MAPRE3: variants seen among roughly 807,000 people sequenced by gnomAD.
MAPRE3 encodes microtubule associated protein RP/EB family member 3, also known as microtubule-associated protein RP/EB family member 3.
Under a neutral mutation model 30.5 loss-of-function variants are expected in MAPRE3, and 2 were observed. The observed-to-expected ratio is 0.07, with a 90% CI of 0.03 to 0.21. The LOEUF is 0.21. Ranked by LOEUF, MAPRE3 falls within the 10% of genes least tolerant of loss-of-function variation. MAPRE3 has a pLI of 1.00. For synonymous variants in MAPRE3, 110 were observed against 127.7 expected, an observed-to-expected ratio of 0.86 and a Z score of 0.93; for missense variants, 204 against 351.8, an observed-to-expected ratio of 0.58 and a Z score of 3.36.
intron 1 of MAPRE3, among the ~76,000 whole-genome samples, chr2:27,008,295 C>T (rs956997895): frequency 3.3e-5 from 5 of 152,048 alleles, no homozygotes; most frequent in South Asian, 4.1e-4. Flanking sequence ...ATTTAAGAAG[C>T]GAGAGTCTTC....
chr2:27,026,059 C>G, intron 6 of MAPRE3, 27 bp downstream of exon 6: 2 of 1,613,298 alleles, frequency 1.2e-6, no homozygotes, highest in Non-Finnish European at 1.7e-6. Context: ...CCATTGGGCC[C>G]TCCCCAGTCT....
At position 27,026,536 on chromosome 2, in the gene MAPRE3, G is replaced by A. The variant is rs2148231913; in HGVS notation, c.*188G>A. On this transcript the variant is annotated 3_prime_UTR_variant, in exon 7 of 7. Coordinates refer to ENST00000233121, the MANE Select transcript of MAPRE3 (RefSeq NM_012326.4). Reference sequence around the variant, plus strand: ...AGCAGGCAGAAGCCCGTCCTGGGTGGTGCTGGCCCAGTTGGTGGGACCCCT... The same window carrying A: ...AGCAGGCAGAAGCCCGTCCTGGGTGATGCTGGCCCAGTTGGTGGGACCCCT... 2 of 539,902 alleles carry A rather than the reference G, an allele frequency of 3.7e-6. No individual in the cohort carries two copies. The highest frequency in any genetic ancestry group is 6.5e-6 in the Non-Finnish European group (2 of 308,504). 33.4% of individuals were successfully genotyped at this position (539,902 alleles called of 1,614,324 possible).
rs1224356737 is a variant in MAPRE3, at chr2:27,026,431, C to T, written c.*83C>T. 2.4e-6 allele frequency: 3 copies of T among 1,233,580 alleles called. No homozygotes were observed. Among genetic ancestry groups the T allele is most frequent in the Non-Finnish European group, 2.3e-6 (2 of 864,898 alleles). The allele number at this position is 1,233,580 out of a possible 1,614,324, so 76.4% of individuals were successfully genotyped here. A position where few individuals can be genotyped will look rare whatever the true frequency, so the allele number is the denominator to read the frequency against. On this transcript the variant is annotated 3_prime_UTR_variant, in exon 7 of 7. Transcript: ENST00000233121. ...CTCCCACATTATAGTCCTTTCCTAA[C>T]ACGGTCGGCCGGGTGCTTTGTGTCA... is the stretch of plus-strand genomic sequence containing the variant.
rs1163866700 is a variant in MAPRE3 at position 26,986,246 on chromosome 2, A to G, written c.-8+15444A>G. Among the ~76,000 whole-genome samples, 1 of 152,106 alleles carries G rather than the reference A, an allele frequency of 6.6e-6. No homozygotes were observed. Among genetic ancestry groups the G allele is most frequent in the African/African-American group, 2.4e-5 (1 of 41,408 alleles). ...GCTTCCCCTTATAAGGACCCTGGTG[A>G]TTACACTGGGCCCACTCAGATAATC... On this transcript the variant is annotated intron_variant, in intron 1 of 6. Coordinates refer to ENST00000233121, the MANE Select transcript of MAPRE3 (RefSeq NM_012326.4). This position sits in a 1 kb window ranked among gnomAD's most constrained non-coding sequence, Gnocchi z 4.2.
chr2:27,009,877 C>T (rs1323960203), intron 1 of MAPRE3: 3 of 152,260 alleles, frequency 2.0e-5, no homozygotes, highest in Non-Finnish European at 4.4e-5. Context: ...GCTCCTGTAT[C>T]TGGAGTTGGA....
intron 1 of MAPRE3, among the ~76,000 whole-genome samples, chr2:26,984,413 T>A (rs937096560): frequency 2.0e-5 from 3 of 152,250 alleles, no homozygotes; most frequent in African/African-American, 4.8e-5. Flanking sequence ...TTATTTTTTT[T>A]AAACATGGAA....
At chr2:26,978,524 C>G (rs1353755029) in intron 1 of MAPRE3, among the ~76,000 whole-genome samples, 2 of 152,088 alleles carry the variant, frequency 1.3e-5, no homozygotes, top group African/African-American at 4.8e-5. Flanking sequence ...ATGCTTAGAG[C>G]TCATAGCTGA....
intron 1 of MAPRE3, among the ~76,000 whole-genome samples, chr2:27,021,586 C>T (rs1046874807): frequency 1.3e-5 from 2 of 152,222 alleles, no homozygotes; most frequent in African/African-American, 4.8e-5. Flanking sequence ...TTAAAACCCT[C>T]TAATGGCTTC....
intron 4 of MAPRE3, 87 bp from the exon 5 acceptor site, chr2:27,025,496 T>C (rs1667216766): frequency 5.1e-6 from 7 of 1,376,164 alleles, no homozygotes; most frequent in Non-Finnish European, 2.0e-6. Flanking sequence ...CGCATGGGCC[T>C]GCCCCCGCAG....
intron 1 of MAPRE3, among the ~76,000 whole-genome samples, chr2:27,001,156 G>T (rs775461447): frequency 3.9e-5 from 6 of 152,082 alleles, no homozygotes; most frequent in Non-Finnish European, 8.8e-5. Context: ...GATACATTCC[G>T]AGAAATGTGT....
At chr2:27,017,458 G>A (rs1572769750) in intron 1 of MAPRE3, among the ~76,000 whole-genome samples, 1 of 152,190 alleles carries the variant, frequency 6.6e-6, no homozygotes, top group East Asian at 1.9e-4. Flanking sequence ...TCAGACCGAA[G>A]GTATGGAAAA....
At chr2:26,984,860 G>C (rs527360420) in intron 1 of MAPRE3, 1 of 152,284 alleles carries the variant, frequency 6.6e-6, no homozygotes, top group South Asian at 2.1e-4. Flanking sequence ...ATTGCCCCAG[G>C]TAACATTAGT....
At chr2:26,980,879 C>T (rs750566033) in intron 1 of MAPRE3, among the ~76,000 whole-genome samples, 3 of 152,038 alleles carry the variant, frequency 2.0e-5, no homozygotes, top group Non-Finnish European at 4.4e-5. Flanking sequence ...AGTACACAGA[C>T]AAGAGAGAAA....
intron 1 of MAPRE3, among the ~76,000 whole-genome samples, chr2:26,980,418 A>T (rs1666089564): frequency 6.6e-6 from 1 of 152,224 alleles, no homozygotes; most frequent in Non-Finnish European, 1.5e-5. Context: ...ATAAAATTGT[A>T]GTATGTGGTT....
At chr2:27,024,378 G>A (rs1432982676) in intron 4 of MAPRE3, 81 bp downstream of exon 4, 12 of 1,306,918 alleles carry the variant, frequency 9.2e-6, no homozygotes, top group Admixed American at 5.3e-5. Flanking sequence ...CCTGGGCCAC[G>A]GCCCGGCCCT....
chr2:26,971,642 C>T (rs1397651510), intron 1 of MAPRE3, among the ~76,000 whole-genome samples: 1 of 150,912 alleles, frequency 6.6e-6, no homozygotes, highest in African/African-American at 2.4e-5. Context: ...TTAAATCGCA[C>T]TACAACCCTG....
At chr2:26,973,636 GCT>G (rs1381009929) in intron 1 of MAPRE3, among the ~76,000 whole-genome samples, 1 of 150,056 alleles carries the variant, frequency 6.7e-6, no homozygotes, top group Non-Finnish European at 1.5e-5. Flanking sequence ...CTCACTGCAA[GCT>G]CCGCTTCCCG....
At chr2:27,003,349 C>G (rs915718341) in intron 1 of MAPRE3, among the ~76,000 whole-genome samples, 1 of 152,138 alleles carries the variant, frequency 6.6e-6, no homozygotes, top group Non-Finnish European at 1.5e-5. Context: ...GCCAAAGCCC[C>G]AGACCACATC....
chr2:27,000,973 G>A (rs747057361), intron 1 of MAPRE3, among the ~76,000 whole-genome samples: 1 of 151,934 alleles, frequency 6.6e-6, no homozygotes, highest in South Asian at 2.1e-4. Context: ...AGACATATTC[G>A]CTGTAGAAAA....
Sources: gnomAD v4.1 joint callset for allele counts (sites outside exome capture counted in the v4.1 genomes callset) on GRCh38, gnomAD v4.1.1 for gene constraint, Gnocchi (gnomAD v3.1) non-coding constraint, MANE v1.5 for transcripts, NCBI Gene and HGNC (gene_info 2026-07-23, HGNC 2026-07-21) for gene names.